The following MAPK4 variants were observed in gnomAD, a reference collection of about 807,000 sequenced individuals.
MAPK4 encodes the protein mitogen-activated protein kinase 4, also known as Erk3-related.
Under a neutral mutation model 47.7 loss-of-function variants are expected in MAPK4, and 22 were observed. That is an observed-to-expected ratio of 0.46 (90% confidence interval 0.33 to 0.66). The LOEUF (loss-of-function observed/expected upper bound fraction) is 0.66. Among genes scored for constraint, MAPK4 ranks in the 30% least tolerant of loss-of-function variants. The probability of loss-of-function intolerance (pLI) is 0.02; values close to 1 mark genes in which losing one functional copy is unlikely to be tolerated. For missense variants in MAPK4, 736 were observed against 831.7 expected (o/e 0.88, Z 1.42); for synonymous variants, 390 against 365.7 (o/e 1.07, Z -0.76).
At chr18:50,628,482 C>T (rs949972711) in intron 1 of MAPK4, among the ~76,000 whole-genome samples, 1 of 152,238 alleles carries the variant, frequency 6.6e-6, no homozygotes, top group African/African-American at 2.4e-5. Context: ...TAAGCACACG[C>T]AACGCCTTAT....
At chr18:50,616,856 C>A (rs1013517108) in intron 1 of MAPK4, among the ~76,000 whole-genome samples, 1 of 152,194 alleles carries the variant, frequency 6.6e-6, no homozygotes, top group Non-Finnish European at 1.5e-5. Flanking sequence ...TCTGCCTTTC[C>A]CGGTTCCCTG....
At position 50,628,419 on chromosome 18, in the gene MAPK4, G is replaced by A. The variant is rs1025300336; in HGVS notation, c.-870-34670G>A. Among the ~76,000 whole-genome samples the A allele has an allele frequency of 2.6e-5, 4 of 152,312 alleles. No homozygotes were observed. In the East Asian group the frequency reaches 7.7e-4, roughly 29 times the overall value. On this transcript the variant is annotated intron_variant, in intron 1 of 5. Transcript: ENST00000400384. Reference sequence around the variant, plus strand: ...TCCCTTGAAATCCTTGCAGGGTCCTGGAAGTTTCCATGGGACTTGCTAGAA... The same window carrying A: ...TCCCTTGAAATCCTTGCAGGGTCCTAGAAGTTTCCATGGGACTTGCTAGAA...
chr18:50,651,204 G>A (rs1239154072), intron 1 of MAPK4, among the ~76,000 whole-genome samples: 2 of 152,316 alleles, frequency 1.3e-5, no homozygotes, highest in South Asian at 2.1e-4. Context: ...AGCTTACAGT[G>A]GATTCCCCAC....
chr18:50,604,554 A>T (rs1008352489), intron 1 of MAPK4, among the ~76,000 whole-genome samples: 1 of 152,236 alleles, frequency 6.6e-6, no homozygotes, highest in African/African-American at 2.4e-5. Context: ...TTATAGATAC[A>T]TGTGAGAACA....
intron 2 of MAPK4, among the ~76,000 whole-genome samples, chr18:50,694,576 G>A (rs1909403743): frequency 6.6e-6 from 1 of 152,194 alleles, no homozygotes; most frequent in African/African-American, 2.4e-5. Flanking sequence ...AATGACAGAT[G>A]TCACTCTGGT....
intron 2 of MAPK4, among the ~76,000 whole-genome samples, chr18:50,696,086 G>A (rs1292536184): frequency 1.3e-5 from 2 of 149,164 alleles, no homozygotes; most frequent in African/African-American, 2.5e-5. Flanking sequence ...TGAGAGCCAG[G>A]CTCCCCTGAT....
chr18:50,658,074 T>C (rs557461301), intron 1 of MAPK4, among the ~76,000 whole-genome samples: 1 of 152,252 alleles, frequency 6.6e-6, no homozygotes, highest in South Asian at 2.1e-4. Flanking sequence ...GTCAAGAACA[T>C]GATGGAAGGT....
At chr18:50,632,643 A>C (rs112273270) in intron 1 of MAPK4, among the ~76,000 whole-genome samples, 53 of 139,170 alleles carry the variant, frequency 3.8e-4, no homozygotes, top group African/African-American at 1.3e-3. Context: ...TTTTTGAGAC[A>C]GAGTCTCACT....
At chr18:50,699,190 T>G (rs1346733493) in intron 2 of MAPK4, among the ~76,000 whole-genome samples, 3 of 152,166 alleles carry the variant, frequency 2.0e-5, no homozygotes, top group Non-Finnish European at 4.4e-5. Flanking sequence ...GAAAAAGCAT[T>G]CTAGCAAATT....
intron 1 of MAPK4, among the ~76,000 whole-genome samples, chr18:50,583,864 C>G (rs554764463): frequency 6.6e-6 from 1 of 152,272 alleles, no homozygotes; most frequent in South Asian, 2.1e-4. Flanking sequence ...GTTTTACAAA[C>G]CTTGCAGGTG....
chr18:50,727,222 G>A (rs1911249919), intron 5 of MAPK4, among the ~76,000 whole-genome samples: 1 of 152,250 alleles, frequency 6.6e-6, no homozygotes, highest in African/African-American at 2.4e-5. Flanking sequence ...AATTCTGGGA[G>A]GGAGTGCTGG....
chr18:50,563,425 A>G lies in MAPK4; in HGVS notation c.-871+3182A>G, dbSNP rs1189063527. 2.0e-5 allele frequency among the ~76,000 whole-genome samples: 3 copies of G among 152,306 alleles called. No homozygotes were observed. In the East Asian group the frequency reaches 5.8e-4, roughly 29 times the overall value. The stretch of plus-strand genomic sequence containing the variant: ...CTCAACACACGAGTGCTGCTGGAAC[A>G]TTTTACTGTGTCAAGGACTAGGCTA... On this transcript the variant is annotated intron_variant, in intron 1 of 5. Transcript: ENST00000400384.
intron 1 of MAPK4, among the ~76,000 whole-genome samples, chr18:50,617,984 C>A (rs2042699183): frequency 6.6e-6 from 1 of 152,226 alleles, no homozygotes; most frequent in Non-Finnish European, 1.5e-5. Flanking sequence ...TAGGAATCAG[C>A]CATTCTTTTG....
At chr18:50,560,035 C>A (rs1343475431), upstream of MAPK4, 1 of 148,226 alleles carries the variant, frequency 6.7e-6, no homozygotes, top group South Asian at 1.9e-4. Context: ...CGGCTCTGGG[C>A]GGAGCCGAGG....
chr18:50,673,612 T>A (rs1322004586), intron 2 of MAPK4, among the ~76,000 whole-genome samples: 2 of 152,220 alleles, frequency 1.3e-5, no homozygotes. Flanking sequence ...CCCAGCACTT[T>A]GGGAGGCCGA....
intron 2 of MAPK4, among the ~76,000 whole-genome samples, chr18:50,692,331 T>C (rs1465462911): frequency 2.0e-5 from 3 of 152,164 alleles, no homozygotes; most frequent in Non-Finnish European, 4.4e-5. Flanking sequence ...AAATGATGCA[T>C]ATGAGATCTC....
At position 50,678,252 on chromosome 18, in the gene MAPK4, T is replaced by G. The variant is rs564369581; in HGVS notation, c.546+13748T>G. 6.6e-6 allele frequency among the ~76,000 whole-genome samples: 1 copy of G among 152,238 alleles called. No individual in the cohort carries two copies. The highest frequency in any genetic ancestry group is 2.4e-5 in the African/African-American group (1 of 41,532). On this transcript the variant is annotated intron_variant, in intron 2 of 5. Coordinates refer to ENST00000400384, the MANE Select transcript of MAPK4 (RefSeq NM_002747.4). This position sits in a 1 kb window ranked among gnomAD's most constrained non-coding sequence, Gnocchi z 4.2. ...AATGAACTTGTCAAAATGGATTAAT[T>G]AGGAAGCACTGGGCTAGGGGAAGGG...
At chr18:50,595,168 C>T (rs947390294) in intron 1 of MAPK4, among the ~76,000 whole-genome samples, 1 of 152,158 alleles carries the variant, frequency 6.6e-6, no homozygotes. Context: ...GTTAAACATA[C>T]ATACCCTATG....
chr18:50,639,975 C>CT (rs1203623115), intron 1 of MAPK4, among the ~76,000 whole-genome samples: 2 of 152,244 alleles, frequency 1.3e-5, no homozygotes, highest in African/African-American at 4.8e-5. Context: ...AGCCACCTCA[C>CT]TTTCTTTTGT....
Sources: gnomAD v4.1 joint callset for allele counts (sites outside exome capture counted in the v4.1 genomes callset) on GRCh38, gnomAD v4.1.1 for gene constraint, Gnocchi (gnomAD v3.1) non-coding constraint, MANE v1.5 for transcripts, NCBI Gene and HGNC (gene_info 2026-07-23, HGNC 2026-07-21) for gene names.